Variants in C11orf65 observed in about 807,000 individuals in gnomAD.
The protein encoded by C11orf65 is protein MFI.
In C11orf65, 38 loss-of-function variants were observed where a neutral mutation model predicts 35.3. The ratio of observed to expected loss-of-function variants is 1.08; its 90% CI spans 0.83 to 1.41. The LOEUF is 1.41. Among genes scored for constraint, C11orf65 ranks in the 40% most tolerant of loss-of-function variants. The pLI, the probability that C11orf65 is intolerant of heterozygous loss-of-function variation, is 0.00. For missense variants in C11orf65, 370 were observed against 367.1 expected (o/e 1.01, Z -0.06); for synonymous variants, 105 against 114.4 (o/e 0.92, Z 0.53).
chr11:108,418,747 T>C (rs1366753001), intron 3 of C11orf65, among the ~76,000 whole-genome samples: 2 of 150,524 alleles, frequency 1.3e-5, no homozygotes, highest in Non-Finnish European at 3.0e-5. Context: ...AGTAATAAAC[T>C]CCAAAGAGAC....
upstream of C11orf65, chr11:108,467,635 A>C (rs1375289185): frequency 6.6e-6 from 1 of 152,012 alleles, no homozygotes; most frequent in Non-Finnish European, 1.5e-5. Flanking sequence ...ATATAGACCA[A>C]CCGCTTGTGA....
chr11:108,436,501 T>C (rs1162389248), intron 2 of C11orf65, among the ~76,000 whole-genome samples: 1 of 152,186 alleles, frequency 6.6e-6, no homozygotes, highest in Non-Finnish European at 1.5e-5. Flanking sequence ...TTGGCCTGTA[T>C]GAGGAATGTT....
chr11:108,314,248 T>C (rs1385916699), intron 6 of C11orf65, among the ~76,000 whole-genome samples: 1 of 152,202 alleles, frequency 6.6e-6, no homozygotes, highest in South Asian at 2.1e-4. Flanking sequence ...CACAAGTAGC[T>C]GGGACTACAG....
chr11:108,465,097 G>A (rs1403787425), intron 1 of C11orf65, among the ~76,000 whole-genome samples: 1 of 152,190 alleles, frequency 6.6e-6, no homozygotes, highest in South Asian at 2.1e-4. Context: ...TAACGTGACA[G>A]CATTAGCATT....
chr11:108,467,229 C>T (rs2093551554), intron 1 of C11orf65, among the ~76,000 whole-genome samples: 1 of 152,032 alleles, frequency 6.6e-6, no homozygotes, highest in East Asian at 1.9e-4. Flanking sequence ...GCAACTTCAC[C>T]GAGGGCGAGG....
chr11:108,384,123 AAG>A (rs1314898457), intron 8 of C11orf65, among the ~76,000 whole-genome samples: 1 of 152,054 alleles, frequency 6.6e-6, no homozygotes, highest in East Asian at 1.9e-4. Context: ...TAGCCTCCCA[AAG>A]TGCTGGGATT....
In C11orf65 at chr11:108,314,364, C is replaced by A. The variant is rs543122095; in HGVS notation, c.641-5293G>T. 3.3e-5 allele frequency among the ~76,000 whole-genome samples: 5 copies of A among 152,214 alleles called. No homozygotes were observed. In the South Asian group the frequency reaches 1.0e-3, roughly 32 times the overall value. On this transcript the variant is annotated intron_variant, in intron 6 of 6. Transcript: ENST00000525729. ...CAAGCAGTCTGCCTGCCTTGGCTAC[C>A]CAAAGTACTGGGATTAAAGATGTGA...
chr11:108,448,267 C>A (rs2093294398), intron 2 of C11orf65, among the ~76,000 whole-genome samples: 1 of 152,158 alleles, frequency 6.6e-6, no homozygotes, highest in African/African-American at 2.4e-5. Flanking sequence ...AGAGGGAATC[C>A]TCCCTAACTC....
chr11:108,408,952 T>A (rs1291210586), intron 3 of C11orf65, among the ~76,000 whole-genome samples: 2 of 152,074 alleles, frequency 1.3e-5, no homozygotes, highest in African/African-American at 4.8e-5. Context: ...CTAAAACTTT[T>A]ATGAATTCAA....
intron 2 of C11orf65, among the ~76,000 whole-genome samples, chr11:108,359,935 A>G (rs1231898563): frequency 2.0e-5 from 3 of 152,142 alleles, no homozygotes; most frequent in African/African-American, 7.2e-5. Flanking sequence ...AAGGCAAGAA[A>G]TAACTAAAAT....
chr11:108,315,787 T>C (rs2136115328), intron 6 of C11orf65: 1 of 1,547,950 alleles, frequency 6.5e-7, no homozygotes, highest in African/African-American at 1.4e-5. Context: ...CCGATTTTTT[T>C]TCCTTCTTCA....
At chr11:108,374,413 C>G (rs546127743) in intron 2 of C11orf65, among the ~76,000 whole-genome samples, 3 of 152,188 alleles carry the variant, frequency 2.0e-5, no homozygotes, top group Admixed American at 1.3e-4. Flanking sequence ...TCCAACAGAC[C>G]TGCAGCTGAG....
chr11:108,465,114 T>A (rs920404626), intron 1 of C11orf65, among the ~76,000 whole-genome samples: 1 of 152,264 alleles, frequency 6.6e-6, no homozygotes, highest in African/African-American at 2.4e-5. Context: ...CATTAATTCA[T>A]CACAATTTCA....
At chr11:108,413,243 T>C (rs999082111) in intron 3 of C11orf65, among the ~76,000 whole-genome samples, 4 of 152,224 alleles carry the variant, frequency 2.6e-5, no homozygotes, top group African/African-American at 4.8e-5. Flanking sequence ...GTTACATGCA[T>C]AGAATGCAGA....
intron 8 of C11orf65, among the ~76,000 whole-genome samples, chr11:108,385,119 GC>G (rs2091960077): frequency 6.6e-6 from 1 of 152,090 alleles, no homozygotes; most frequent in African/African-American, 2.4e-5. Context: ...TGTCACCCAG[GC>G]TGGAGTTTAG....
At chr11:108,447,133 C>G (rs1349903134) in intron 2 of C11orf65, among the ~76,000 whole-genome samples, 1 of 152,128 alleles carries the variant, frequency 6.6e-6, no homozygotes, top group Non-Finnish European at 1.5e-5. Context: ...ATTCATAAAG[C>G]AAGTCCTGAG....
chr11:108,325,143 T>C (rs2136300728), intron 6 of C11orf65, among the ~76,000 whole-genome samples: 1 of 152,264 alleles, frequency 6.6e-6, no homozygotes, highest in East Asian at 1.9e-4. Context: ...TGTAGTTTTC[T>C]AAATTTTGAT....
At chr11:108,428,120 C>T (rs180748454) in intron 3 of C11orf65, among the ~76,000 whole-genome samples, 174 of 151,868 alleles carry the variant, frequency 1.1e-3, no homozygotes, top group African/African-American at 3.5e-3. Flanking sequence ...TGAGCCACCG[C>T]GCCCACCCAG....
chr11:108,420,751 T>A (rs1287860338), intron 3 of C11orf65, among the ~76,000 whole-genome samples: 3 of 152,100 alleles, frequency 2.0e-5, no homozygotes, highest in Non-Finnish European at 4.4e-5. Flanking sequence ...ACAATCTCGA[T>A]CAACATTCCA....
Sources: allele counts gnomAD v4.1 joint callset (sites outside exome capture counted in the v4.1 genomes callset), GRCh38; gene constraint gnomAD v4.1.1; transcripts MANE v1.5; gene names NCBI Gene and HGNC (gene_info 2026-07-23, HGNC 2026-07-21).